TMEM144: variants seen among roughly 807,000 people sequenced by gnomAD.
TMEM144 encodes transmembrane protein 144.
Under a neutral mutation model 43.6 loss-of-function variants are expected in TMEM144, and 39 were observed. That is an observed-to-expected ratio of 0.90 (90% CI 0.69 to 1.17). The LOEUF (loss-of-function observed/expected upper bound fraction) is 1.17, where lower values mean the gene tolerates loss of function less well. Among genes scored for constraint, TMEM144 ranks in the 50% most tolerant of loss-of-function variants. The pLI, the probability that TMEM144 is intolerant of heterozygous loss-of-function variation, is 0.00. For synonymous variants in TMEM144, 154 were observed against 133.6 expected (o/e 1.15, Z -1.06); for missense variants, 417 against 411.9 (o/e 1.01, Z -0.11).
In TMEM144 at chr4:158,246,634, A is replaced by G. The variant is rs111226168; in HGVS notation, c.954+2285A>G. ...TGAACATTTCTCATTTATTGTAGTC[A>G]GAGTTCCTTTCTACAAAAAGTAACT... On this transcript the variant is annotated intron_variant, in intron 12 of 12. Coordinates refer to ENST00000296529, the MANE Select transcript of TMEM144 (RefSeq NM_018342.5). 5.6e-3 allele frequency among the ~76,000 whole-genome samples: 853 copies of G among 152,220 alleles called. 11 individuals are homozygous for G. The highest frequency in any genetic ancestry group is 0.02 in the African/African-American group (818 of 41,552).
At chr4:158,239,832 A>G (rs1383829464) in intron 9 of TMEM144, among the ~76,000 whole-genome samples, 2 of 152,114 alleles carry the variant, frequency 1.3e-5, no homozygotes, top group Non-Finnish European at 2.9e-5. Flanking sequence ...TATATTAATT[A>G]AAATTCTATA....
At chr4:158,216,484 G>A (rs927583082) in intron 4 of TMEM144, among the ~76,000 whole-genome samples, 3 of 152,164 alleles carry the variant, frequency 2.0e-5, no homozygotes, top group African/African-American at 7.2e-5. Flanking sequence ...ACATCCCGAT[G>A]TTTCTACCAT....
At chr4:158,247,227 C>T (rs1200005351) in intron 12 of TMEM144, among the ~76,000 whole-genome samples, 1 of 151,832 alleles carries the variant, frequency 6.6e-6, no homozygotes, top group Admixed American at 6.6e-5. Context: ...TTTAGTGGTA[C>T]AGTATGTCTA....
chr4:158,250,246 G>A (rs375724158), intron 12 of TMEM144, among the ~76,000 whole-genome samples: 36 of 137,776 alleles, frequency 2.6e-4, no homozygotes, highest in African/African-American at 8.9e-4. Context: ...ATATTAGTTA[G>A]CATTAATCTT....
intron 3 of TMEM144, chr4:158,214,002 T>A (rs2111099230): frequency 6.6e-6 from 1 of 152,316 alleles, no homozygotes; most frequent in East Asian, 1.9e-4. Flanking sequence ...ATGAAGTTTC[T>A]TTTCATCTCT....
chr4:158,225,884 A>C (rs1311278172), intron 6 of TMEM144, among the ~76,000 whole-genome samples: 1 of 152,246 alleles, frequency 6.6e-6, no homozygotes, highest in African/African-American at 2.4e-5. Flanking sequence ...GCTGACCCGC[A>C]GGGTGCCGGA....
chr4:158,217,203 T>A, intron 4 of TMEM144, 118 bp from the exon 5 acceptor site: 2 of 643,302 alleles, frequency 3.1e-6, no homozygotes, highest in South Asian at 5.4e-5. Context: ...AACTGTGCTT[T>A]ACTAAATTTG....
chr4:158,234,348 T>C (rs1163391318), intron 7 of TMEM144: 1 of 148,468 alleles, frequency 6.7e-6, no homozygotes, highest in Non-Finnish European at 1.5e-5. Flanking sequence ...CTGTCCAACA[T>C]GGTGAAACTC....
intron 5 of TMEM144, among the ~76,000 whole-genome samples, chr4:158,218,481 C>T (rs1025230807): frequency 1.3e-4 from 20 of 152,090 alleles, no homozygotes; most frequent in Admixed American, 3.9e-4. Context: ...CCATCCTTCC[C>T]CCATTCCCCA....
At chr4:158,246,711 CAAAA>C (rs944975651) in intron 12 of TMEM144, among the ~76,000 whole-genome samples, 9 of 151,632 alleles carry the variant, frequency 5.9e-5, no homozygotes, top group African/African-American at 2.2e-4. Flanking sequence ...ATCTACCTCA[CAAAA>C]AAAGATTTAT....
chr4:158,217,203 T>C (rs1173554431), intron 4 of TMEM144, 118 bp from the exon 5 acceptor site: 1 of 643,182 alleles, frequency 1.6e-6, no homozygotes, highest in Non-Finnish European at 2.5e-6. Context: ...AACTGTGCTT[T>C]ACTAAATTTG....
intron 12 of TMEM144, among the ~76,000 whole-genome samples, chr4:158,249,096 G>T (rs535458457): frequency 6.6e-6 from 1 of 152,198 alleles, no homozygotes; most frequent in East Asian, 1.9e-4. Flanking sequence ...TAGTAGAGAC[G>T]GGGTTTCACA....
chr4:158,233,045 T>C (rs776057488), intron 7 of TMEM144, 63 bp downstream of exon 7: 3 of 1,273,590 alleles, frequency 2.4e-6, no homozygotes, highest in East Asian at 4.8e-5. Context: ...GGATAATACA[T>C]AAATTTTAAA....
intron 10 of TMEM144, among the ~76,000 whole-genome samples, chr4:158,241,267 A>G (rs1235752951): frequency 6.6e-5 from 10 of 152,102 alleles, no homozygotes; most frequent in African/African-American, 2.2e-4. Context: ...TACCTCTTTT[A>G]CTACTATGGG....
chr4:158,216,149 C>G (rs906307448), intron 4 of TMEM144, among the ~76,000 whole-genome samples: 3 of 152,066 alleles, frequency 2.0e-5, no homozygotes, highest in African/African-American at 4.8e-5. Flanking sequence ...CTTGTCATAT[C>G]TAACAGGGGG....
At chr4:158,244,385 A>G in intron 12 of TMEM144, 36 bp downstream of exon 12, 1 of 1,569,444 alleles carries the variant, frequency 6.4e-7, no homozygotes, top group African/African-American at 1.4e-5. Context: ...GAAAATGGGA[A>G]TGGGGTAGGC....
intron 11 of TMEM144, 91 bp downstream of exon 11, chr4:158,241,697 C>T (rs974622246): frequency 4.5e-5 from 43 of 958,910 alleles, no homozygotes; most frequent in Non-Finnish European, 7.0e-5. Context: ...TAAAGACTGT[C>T]ATGGAGTTTG....
At chr4:158,230,655 T>A (rs1028178271) in intron 6 of TMEM144, among the ~76,000 whole-genome samples, 7 of 151,542 alleles carry the variant, frequency 4.6e-5, no homozygotes, top group African/African-American at 7.3e-5. Context: ...ATATATATAA[T>A]ATATATAAAA....
At chr4:158,217,290 A>G in intron 4 of TMEM144, 31 bp from the exon 5 acceptor site, 1 of 1,395,848 alleles carries the variant, frequency 7.2e-7, no homozygotes, top group Non-Finnish European at 1.0e-6. Context: ...ATATGGAAAT[A>G]ACATGTTTCT....
Sources: allele counts gnomAD v4.1 joint callset (sites outside exome capture counted in the v4.1 genomes callset), GRCh38; gene constraint gnomAD v4.1.1; transcripts MANE v1.5; gene names NCBI Gene and HGNC (gene_info 2026-07-23, HGNC 2026-07-21).